The following GATB variants were observed in gnomAD, a reference collection of about 807,000 sequenced individuals.
GATB encodes glutamyl-tRNA amidotransferase subunit B, also known as glutamyl-tRNA(Gln) amidotransferase subunit B, mitochondrial.
In GATB, 39 loss-of-function variants were observed where a neutral mutation model predicts 62.3. That is an observed-to-expected ratio of 0.63 (90% CI 0.48 to 0.82). The LOEUF is 0.82. Among genes scored for constraint, GATB ranks in the 40% least tolerant of loss-of-function variants. The pLI is 0.00. For synonymous variants in GATB, 276 were observed against 258.9 expected, an observed-to-expected ratio of 1.07 and a Z score of -0.63; for missense variants, 670 against 684.0, an observed-to-expected ratio of 0.98 and a Z score of 0.23.
chr4:151,741,371 T>C (rs181239811), intron 2 of GATB, among the ~76,000 whole-genome samples: 3 of 152,348 alleles, frequency 2.0e-5, no homozygotes, highest in African/African-American at 7.2e-5. Flanking sequence ...AAAATTCATT[T>C]TGAACAGTTA....
chr4:151,726,878 T>C (rs2126983509), intron 2 of GATB, among the ~76,000 whole-genome samples: 1 of 152,172 alleles, frequency 6.6e-6, no homozygotes, highest in East Asian at 1.9e-4. Flanking sequence ...CATGAGGCAC[T>C]TGATGTCAGC....
intron 3 of GATB, among the ~76,000 whole-genome samples, chr4:151,718,033 C>T (rs973489817): frequency 1.3e-5 from 2 of 152,168 alleles, no homozygotes; most frequent in Non-Finnish European, 2.9e-5. Context: ...ACTTGGCAGG[C>T]CCCCAGTTTA....
At chr4:151,744,739 A>T (rs1739562220) in intron 2 of GATB, among the ~76,000 whole-genome samples, 1 of 152,196 alleles carries the variant, frequency 6.6e-6, no homozygotes, top group South Asian at 2.1e-4. Context: ...TTAGAAAAAG[A>T]TCTATGGCAG....
At chr4:151,726,812 G>C (rs1471555755) in intron 2 of GATB, among the ~76,000 whole-genome samples, 1 of 152,176 alleles carries the variant, frequency 6.6e-6, no homozygotes, top group Non-Finnish European at 1.5e-5. Flanking sequence ...TCTCATCTGG[G>C]ATTCCATCCT....
chr4:151,704,370 C>T (rs970685344), intron 7 of GATB, among the ~76,000 whole-genome samples: 11 of 152,126 alleles, frequency 7.2e-5, no homozygotes, highest in African/African-American at 2.7e-4. Flanking sequence ...GGGCCTAAAA[C>T]GAAGCCCTTG....
intron 5 of GATB, among the ~76,000 whole-genome samples, chr4:151,713,256 G>A (rs887672705): frequency 7.2e-5 from 11 of 152,114 alleles, no homozygotes; most frequent in Non-Finnish European, 1.3e-4. Flanking sequence ...ATATTACAAT[G>A]TAATAATAGA....
rs1739219601 is a variant in GATB at position 151,730,389 on chromosome 4, C to T, written c.328-10851G>A. On this transcript the variant is annotated intron_variant, in intron 2 of 12. Transcript: ENST00000263985. This position sits in a 1 kb window ranked among gnomAD's most constrained non-coding sequence, Gnocchi z 4.1. ...CATACAATCTTGGGAGTTCTAGGGC[C>T]CCGCCCACCACTGGTCCCTCTCCAT... Among the ~76,000 whole-genome samples the T allele has an allele frequency of 6.6e-6, 1 of 152,176 alleles. No homozygotes were observed. Among genetic ancestry groups the T allele is most frequent in the Non-Finnish European group, 1.5e-5 (1 of 68,040 alleles).
chr4:151,688,742 A>C lies in GATB; in HGVS notation c.1219T>G (p.Phe407Val). Residue 407 changes from phenylalanine (F) to valine (V), a missense_variant, in exon 10 of 13, where the codon TTC (phenylalanine) becomes GTC (valine). Transcript: ENST00000263985. ...TLLNEVGLLE[F>V]FQNVIKETRA... ...GTTTCTTTTATCACATTTTGGAAGAACTCCAGTAGGCCGACTTCGTTCTGT... is the reference window on the plus strand; with the variant it reads ...GTTTCTTTTATCACATTTTGGAAGACCTCCAGTAGGCCGACTTCGTTCTGT... 2.5e-6 allele frequency: 4 copies of C among 1,603,850 alleles called. No homozygotes were observed. In the South Asian group the frequency reaches 4.5e-5, roughly 18 times the overall value.
intron 10 of GATB, among the ~76,000 whole-genome samples, chr4:151,680,310 G>A (rs1472585996): frequency 6.7e-6 from 1 of 149,770 alleles, no homozygotes; most frequent in African/African-American, 2.5e-5. Flanking sequence ...ACAAAGTCAC[G>A]TTTCTGAGTG....
At chr4:151,673,572 G>A (rs73862084) in intron 11 of GATB, 16,785 of 152,108 alleles carry the variant, frequency 0.11, 968 homozygotes, top group African/African-American at 0.13. Context: ...CCTACAGGTA[G>A]AGCCGGACCC....
At chr4:151,720,613 A>G (rs1739013276) in intron 2 of GATB, 1 of 152,218 alleles carries the variant, frequency 6.6e-6, no homozygotes, top group Non-Finnish European at 1.5e-5. Flanking sequence ...CTAGTTGAGC[A>G]TTTCCACATC....
chr4:151,679,934 G>C (rs1229412322), intron 10 of GATB, 43 bp from the exon 11 acceptor site: 1 of 1,555,138 alleles, frequency 6.4e-7, no homozygotes, highest in Non-Finnish European at 8.9e-7. Context: ...ATTGCACACT[G>C]TCAGGGCATC....
intron 2 of GATB, chr4:151,719,741 C>T: frequency 2.4e-6 from 1 of 425,000 alleles, no homozygotes; most frequent in South Asian, 3.2e-5. Flanking sequence ...ATGTATGCAG[C>T]AGTGGGTCCC....
At chr4:151,746,390 T>C (rs761324260) in intron 2 of GATB, among the ~76,000 whole-genome samples, 39 of 152,356 alleles carry the variant, frequency 2.6e-4, no homozygotes, top group Non-Finnish European at 4.1e-4. Context: ...ATACAAAGTA[T>C]TACAAGTAGA....
At chr4:151,752,703 T>A (rs1299295672) in intron 2 of GATB, among the ~76,000 whole-genome samples, 3 of 152,222 alleles carry the variant, frequency 2.0e-5, no homozygotes, top group East Asian at 1.9e-4. Context: ...ATTAATTTTT[T>A]AAGTATTCTT....
intron 9 of GATB, among the ~76,000 whole-genome samples, chr4:151,693,324 T>TTGGG (rs1187476855): frequency 1.3e-5 from 2 of 152,144 alleles, no homozygotes; most frequent in Non-Finnish European, 2.9e-5. Flanking sequence ...GGGCGGTGGC[T>TTGGG]TGGGTGGGTT....
intron 2 of GATB, among the ~76,000 whole-genome samples, chr4:151,745,778 C>A (rs1209777639): frequency 6.6e-6 from 1 of 152,192 alleles, no homozygotes; most frequent in African/African-American, 2.4e-5. Flanking sequence ...AAACAACATT[C>A]CTGTTTTCAT....
intron 9 of GATB, among the ~76,000 whole-genome samples, chr4:151,699,387 CAAAA>C (rs35279340): frequency 2.7e-4 from 22 of 80,096 alleles, no homozygotes; most frequent in Admixed American, 4.3e-4. Flanking sequence ...GACCCTGTCT[CAAAA>C]AAAAAAAAAA....
intron 2 of GATB, among the ~76,000 whole-genome samples, chr4:151,752,907 C>A (rs1723947954): frequency 1.3e-5 from 2 of 152,274 alleles, no homozygotes; most frequent in Admixed American, 1.3e-4. Context: ...CAGTGGCCTT[C>A]ACTGTAAAGC....
Sources: allele counts gnomAD v4.1 joint callset (sites outside exome capture counted in the v4.1 genomes callset), GRCh38; gene constraint gnomAD v4.1.1; non-coding constraint Gnocchi (gnomAD v3.1); transcripts MANE v1.5; gene names NCBI Gene and HGNC (gene_info 2026-07-23, HGNC 2026-07-21).